TMEM41B: variants seen among roughly 807,000 people sequenced by gnomAD.
TMEM41B encodes the protein transmembrane protein 41B.
Under a neutral mutation model 31.9 loss-of-function variants are expected in TMEM41B, and 18 were observed. The ratio of observed to expected loss-of-function variants is 0.56; its 90% CI spans 0.39 to 0.84. The LOEUF is 0.84. Among genes scored for constraint, TMEM41B ranks in the 40% least tolerant of loss-of-function variants. The pLI is 0.00. For synonymous variants in TMEM41B, 144 were observed against 124.3 expected, an observed-to-expected ratio of 1.16 and a Z score of -1.05; for missense variants, 322 against 348.0, an observed-to-expected ratio of 0.93 and a Z score of 0.59.
intron 1 of TMEM41B, among the ~76,000 whole-genome samples, chr11:9,305,611 T>C (rs1210248906): frequency 6.6e-6 from 1 of 151,998 alleles, no homozygotes; most frequent in Non-Finnish European, 1.5e-5. Flanking sequence ...ATTATAGATA[T>C]TAAACTGTTT....
At chr11:9,312,476 A>T (rs2133657420) in intron 1 of TMEM41B, among the ~76,000 whole-genome samples, 1 of 151,094 alleles carries the variant, frequency 6.6e-6, no homozygotes, top group Admixed American at 6.6e-5. Context: ...ACTCCAGCAT[A>T]GGTGACACAG....
chr11:9,289,734 AAT>A (rs1345140845), intron 3 of TMEM41B, among the ~76,000 whole-genome samples: 1 of 152,126 alleles, frequency 6.6e-6, no homozygotes, highest in East Asian at 1.9e-4. Flanking sequence ...ACTTTTTCTC[AAT>A]AGTCACCTTT....
chr11:9,284,285 A>T (rs939201702), intron 6 of TMEM41B, among the ~76,000 whole-genome samples: 11 of 151,894 alleles, frequency 7.2e-5, no homozygotes, highest in South Asian at 4.2e-4. Context: ...AGCTGGGACT[A>T]CAGGCGTGTA....
chr11:9,296,531 C>A (rs1304573052), intron 2 of TMEM41B, among the ~76,000 whole-genome samples: 1 of 144,394 alleles, frequency 6.9e-6, no homozygotes, highest in African/African-American at 2.6e-5. Context: ...GAGGCTGGGG[C>A]AGGACAATCA....
At position 9,303,697 on chromosome 11, in the gene TMEM41B, A is replaced by T. The variant is rs182082228; in HGVS notation, c.122-3996T>A. Among the ~76,000 whole-genome samples the T allele has an allele frequency of 1.2e-4, 14 of 119,350 alleles. No homozygotes were observed. The Admixed American group carries it at 1.6e-3, about 14-fold the overall frequency. The allele number at this position is 119,350 out of a possible 152,430, so 78.3% of individuals were successfully genotyped here. A position where few individuals can be genotyped will look rare whatever the true frequency, so the allele number is the denominator to read the frequency against. On this transcript the variant is annotated intron_variant, in intron 1 of 6. Coordinates refer to ENST00000528080, the MANE Select transcript of TMEM41B (RefSeq NM_015012.4). ...GAGACAGAGTCTTGCTCTGTGGCCC[A>T]GCCTCTGTCGCCCAGTCTGGAGTGC...
At position 9,281,744 on chromosome 11, in the gene TMEM41B, TTAGA is replaced by T. The variant is rs1446866640; in HGVS notation, c.*1676_*1679del. 6.6e-6 allele frequency: 1 copy of T among 152,150 alleles called. No individual in the cohort carries two copies. Among genetic ancestry groups the T allele is most frequent in the Admixed American group, 6.6e-5 (1 of 15,262 alleles). 9.4% of individuals were successfully genotyped at this position (152,150 alleles called of 1,614,324 possible). On this transcript the variant is annotated 3_prime_UTR_variant, in exon 7 of 7. Coordinates refer to ENST00000528080, the MANE Select transcript of TMEM41B (RefSeq NM_015012.4). ...TGATCAGTTAATTTTACTTTGTGAG[TTAGA>T]TAAAGTAAAGACTAAATTGGGAAAC...
intron 3 of TMEM41B, among the ~76,000 whole-genome samples, chr11:9,290,740 T>C (rs11042268): frequency 0.15 from 22,922 of 152,064 alleles, 1,968 homozygotes; most frequent in Non-Finnish European, 0.2. Flanking sequence ...CAATTCCTAC[T>C]TCTCTGAAAA....
chr11:9,291,648 G>A (rs1378132189), intron 3 of TMEM41B, among the ~76,000 whole-genome samples: 1 of 151,312 alleles, frequency 6.6e-6, no homozygotes, highest in Non-Finnish European at 1.5e-5. Context: ...GATCCACCCC[G>A]CTTGGCCTCC....
chr11:9,298,194 C>A (rs1853147068), intron 2 of TMEM41B, among the ~76,000 whole-genome samples: 1 of 151,990 alleles, frequency 6.6e-6, no homozygotes. Flanking sequence ...CACAGTGGCT[C>A]ATGCCTGTAA....
Position 9,283,077 on chromosome 11 carries a change from TTTAGTTA to T in TMEM41B, c.*340_*346del, listed in dbSNP as rs1396743288. 6.4e-6 allele frequency: 1 copy of T among 156,882 alleles called. No homozygotes were observed. The highest frequency in any genetic ancestry group is 2.4e-5 in the African/African-American group (1 of 41,644). 9.7% of individuals were successfully genotyped at this position (156,882 alleles called of 1,614,324 possible). ...AAATCTAGAATTTAAAAATATCTAT[TTTAGTTA>T]TTAAAGATAAAAAATATTCAATTAA... On this transcript the variant is annotated 3_prime_UTR_variant, in exon 7 of 7. Coordinates refer to ENST00000528080, the MANE Select transcript of TMEM41B (RefSeq NM_015012.4).
chr11:9,292,568 T>C (rs1852983234), intron 3 of TMEM41B, among the ~76,000 whole-genome samples: 1 of 152,164 alleles, frequency 6.6e-6, no homozygotes, highest in African/African-American at 2.4e-5. Flanking sequence ...CTCACACCTG[T>C]AATCCCAGCA....
chr11:9,306,899 C>T (rs916673528), intron 1 of TMEM41B, among the ~76,000 whole-genome samples: 3 of 152,134 alleles, frequency 2.0e-5, no homozygotes, highest in Non-Finnish European at 4.4e-5. Context: ...CCAATCTCTC[C>T]CTCAAGATTT....
intron 3 of TMEM41B, among the ~76,000 whole-genome samples, chr11:9,290,270 G>A (rs1044615314): frequency 7.2e-5 from 11 of 152,082 alleles, no homozygotes; most frequent in Non-Finnish European, 5.9e-5. Context: ...CCAGCTACTC[G>A]GGAAGCCAAG....
chr11:9,298,906 A>G (rs1853167497), intron 2 of TMEM41B, among the ~76,000 whole-genome samples: 1 of 152,122 alleles, frequency 6.6e-6, no homozygotes, highest in South Asian at 2.1e-4. Flanking sequence ...ACTACATCTT[A>G]GTAGTCCTTC....
chr11:9,294,355 T>C (rs1412778464), intron 3 of TMEM41B, among the ~76,000 whole-genome samples: 3 of 151,508 alleles, frequency 2.0e-5, no homozygotes, highest in African/African-American at 7.3e-5. Flanking sequence ...ATTAACCAAG[T>C]ATGGCGGCAG....
rs1430176730 is a variant in TMEM41B at position 9,281,596 on chromosome 11, A to T, written c.*1828T>A. 1.3e-5 allele frequency: 2 copies of T among 152,232 alleles called. No homozygotes were observed. The highest frequency in any genetic ancestry group is 4.8e-5 in the African/African-American group (2 of 41,468). The allele number at this position is 152,232 out of a possible 1,614,324, so 9.4% of individuals were successfully genotyped here. ...AATAACAGTCATGGGTGAAGGTAAA[A>T]CTGACAGAGTACTTTAGATCAGCTA... On this transcript the variant is annotated 3_prime_UTR_variant, in exon 7 of 7. Transcript: ENST00000528080.
intron 1 of TMEM41B, 115 bp downstream of exon 1, chr11:9,314,206 G>A (rs1383560508): frequency 7.6e-7 from 1 of 1,319,770 alleles, no homozygotes. Context: ...CCGCCGCGGC[G>A]CCAGCAGGCC....
intron 1 of TMEM41B, chr11:9,311,136 A>G: frequency 1.1e-6 from 1 of 907,686 alleles, no homozygotes; most frequent in South Asian, 1.7e-5. Context: ...CTAGCCACTC[A>G]GGGCTCAACA....
At position 9,281,224 on chromosome 11, in the gene TMEM41B, C is replaced by T. The variant is rs983601975; in HGVS notation, c.*2200G>A. ...ATTCTGATAAAAATTTACTCAATTA[C>T]ATTTTATACATTAATATTTAGTGAA... On this transcript the variant is annotated 3_prime_UTR_variant, in exon 7 of 7. Coordinates refer to ENST00000528080, the MANE Select transcript of TMEM41B (RefSeq NM_015012.4). 6.6e-6 allele frequency: 1 copy of T among 152,072 alleles called. No individual in the cohort carries two copies. The highest frequency in any genetic ancestry group is 1.5e-5 in the Non-Finnish European group (1 of 68,028). 9.4% of individuals were successfully genotyped at this position (152,072 alleles called of 1,614,324 possible). A position where few individuals can be genotyped will look rare whatever the true frequency, so the allele number is the denominator to read the frequency against.
Sources: gnomAD v4.1 joint callset for allele counts (sites outside exome capture counted in the v4.1 genomes callset) on GRCh38, gnomAD v4.1.1 for gene constraint, MANE v1.5 for transcripts, NCBI Gene and HGNC (gene_info 2026-07-23, HGNC 2026-07-21) for gene names.